The following ARHGEF18 variants were observed in gnomAD, a reference collection of about 807,000 sequenced individuals.
ARHGEF18 encodes Rho/Rac guanine nucleotide exchange factor 18.
Under a neutral mutation model 155.7 loss-of-function variants are expected in ARHGEF18, and 93 were observed. That is an observed-to-expected ratio of 0.60 (90% CI 0.50 to 0.71). The LOEUF (loss-of-function observed/expected upper bound fraction) is 0.71, where lower values mean the gene tolerates loss of function less well. Ranked by LOEUF, ARHGEF18 falls within the 30% of genes least tolerant of loss-of-function variation. ARHGEF18 has a pLI of 0.00. For missense variants in ARHGEF18, 1,593 were observed against 1,816.1 expected (o/e 0.88, Z 2.23); for synonymous variants, 742 against 753.1 (o/e 0.99, Z 0.24).
chr19:7,470,265 G>C lies in ARHGEF18; in HGVS notation c.4053G>C (p.Glu1351Asp). 6.4e-7 allele frequency: 1 copy of C among 1,563,020 alleles called. No individual in the cohort carries two copies. Among genetic ancestry groups the C allele is most frequent in the Non-Finnish European group, 8.6e-7 (1 of 1,156,870 alleles). ...PLPATPLSAK[E>D]DASKEDVIFF is the part of the protein sequence containing the mutation. ...CGGCCACACCACTCAGCGCCAAGGA[G>C]GACGCCAGCAAAGAAGACGTCATCT... Residue 1351 changes from glutamate to aspartate, a missense_variant, in exon 29 of 29, where the codon GAG becomes GAC. By Grantham distance (45) the Glu-to-Asp change is conservative. Transcript: ENST00000668164. The surrounding 1 kb of genome is among the most constrained non-coding windows in gnomAD (Gnocchi z 5.9).
intron 10 of ARHGEF18, among the ~76,000 whole-genome samples, chr19:7,402,402 G>A (rs1359517647): frequency 6.6e-6 from 1 of 152,178 alleles, no homozygotes; most frequent in Non-Finnish European, 1.5e-5. Context: ...CTGGGCAACT[G>A]AGCGAGACTC....
chr19:7,358,306 C>A (rs1818100156), intron 1 of ARHGEF18, among the ~76,000 whole-genome samples: 1 of 151,598 alleles, frequency 6.6e-6, no homozygotes, highest in Non-Finnish European at 1.5e-5. Context: ...CTCTTCCATC[C>A]ATCCAACCAT....
chr19:7,351,587 T>C (rs1969157839), intron 1 of ARHGEF18, among the ~76,000 whole-genome samples: 1 of 152,006 alleles, frequency 6.6e-6, no homozygotes, highest in Non-Finnish European at 1.5e-5. Context: ...CCTCCCAAAG[T>C]GCTGGGATTA....
intron 10 of ARHGEF18, among the ~76,000 whole-genome samples, chr19:7,391,727 T>C (rs1971410701): frequency 1.3e-5 from 2 of 152,066 alleles, no homozygotes; most frequent in African/African-American, 2.4e-5. Context: ...AGGAAACATC[T>C]GGAGGCATTT....
chr19:7,415,076 A>C (rs1972922192), intron 10 of ARHGEF18, among the ~76,000 whole-genome samples: 1 of 152,116 alleles, frequency 6.6e-6, no homozygotes, highest in Non-Finnish European at 1.5e-5. Context: ...CCCCTCCCCC[A>C]AAATAAAAAC....
intron 2 of ARHGEF18, among the ~76,000 whole-genome samples, chr19:7,370,900 C>CTTTTT (rs111574229): frequency 4.1e-5 from 6 of 145,632 alleles, no homozygotes; most frequent in East Asian, 2.0e-4. Context: ...CCACACCCCG[C>CTTTTT]TTTTTTTTTT....
Position 7,378,394 on chromosome 19 carries a change from G to A in ARHGEF18, c.542G>A (p.Gly181Asp). The A allele has an allele frequency of 3.2e-6, 4 of 1,234,444 alleles. No individual in the cohort carries two copies. Among genetic ancestry groups the A allele is most frequent in the Non-Finnish European group, 4.0e-6 (4 of 988,266 alleles). The allele number at this position is 1,234,444 out of a possible 1,614,324, so 76.5% of individuals were successfully genotyped here. The change falls in exon 6 of 29, where the codon GGC becomes GAC. Residue 181 changes from glycine (G) to aspartate (D), a missense_variant and splice_region_variant. Gly to Asp is a moderately conservative substitution (Grantham distance 94). Transcript: ENST00000668164. ...TCCTGGGATGGGGGGCTTCTTCCAG[G>A]CCTGGAACCTCCAGTGCTGGAGTGC... ...GLEVPTPPVQ[G>D]LEPPVLECME...
chr19:7,388,389 C>T (rs553154446), intron 10 of ARHGEF18, among the ~76,000 whole-genome samples: 10 of 151,542 alleles, frequency 6.6e-5, no homozygotes, highest in South Asian at 2.1e-4. Flanking sequence ...CTACTGAGCC[C>T]GGTCTGTAAG....
Position 7,385,821 on chromosome 19 carries a change from CTATCTCTCTCTA to C in ARHGEF18, c.967+2620_967+2631del, listed in dbSNP as rs1439979513. ...AAAATTTCTATTTTAGAGATAGGAT[CTATCTCTCTCTA>C]TCTCTCTCTCTCTCTCTCTCTCTCT... On this transcript the variant is annotated intron_variant, in intron 10 of 28. Transcript: ENST00000668164. 7.3e-3 allele frequency among the ~76,000 whole-genome samples: 796 copies of C among 109,310 alleles called. 55 individuals are homozygous for C. The highest frequency in any genetic ancestry group is 0.021 in the African/African-American group (469 of 22,248). The allele number at this position is 109,310 out of a possible 152,430, so 71.7% of individuals were successfully genotyped here.
At chr19:7,380,872 A>C in intron 7 of ARHGEF18, 45 bp from the exon 8 acceptor site, 1 of 1,206,368 alleles carries the variant, frequency 8.3e-7, no homozygotes, top group Non-Finnish European at 1.0e-6. Flanking sequence ...GGTGAGTGGG[A>C]GAAGAGGCTG....
chr19:7,396,843 TA>T (rs1971739954), intron 10 of ARHGEF18, among the ~76,000 whole-genome samples: 1 of 152,036 alleles, frequency 6.6e-6, no homozygotes. Context: ...AAAATGGGAA[TA>T]AGGGTTGGTT....
At chr19:7,380,037 C>T (rs1970648839) in intron 7 of ARHGEF18, among the ~76,000 whole-genome samples, 1 of 150,316 alleles carries the variant, frequency 6.7e-6, no homozygotes, top group Non-Finnish European at 1.5e-5. Context: ...CGTGGTGGCA[C>T]ATACCTGTAG....
chr19:7,408,228 A>G (rs1972458352), intron 10 of ARHGEF18, among the ~76,000 whole-genome samples: 1 of 152,056 alleles, frequency 6.6e-6, no homozygotes, highest in Non-Finnish European at 1.5e-5. Flanking sequence ...CAGTGAGCCG[A>G]AATCGCACCA....
chr19:7,428,290 G>A (rs911650914), intron 10 of ARHGEF18, among the ~76,000 whole-genome samples: 1 of 152,140 alleles, frequency 6.6e-6, no homozygotes, highest in Non-Finnish European at 1.5e-5. Flanking sequence ...TTGGCTTTGC[G>A]AGGTAGTTTG....
the ARHGEF18 span, chr19:7,477,528 A>C: frequency 9.2e-7 from 1 of 1,091,148 alleles, no homozygotes; most frequent in Non-Finnish European, 1.2e-6. Context: ...GGCAGCCCTG[A>C]GCCCCTGCCT....
intron 10 of ARHGEF18, among the ~76,000 whole-genome samples, chr19:7,409,323 T>G (rs1972524175): frequency 1.9e-5 from 2 of 102,676 alleles, no homozygotes; most frequent in South Asian, 8.5e-4. Context: ...CCGACCCTGT[T>G]TCTTAAAAAA....
chr19:7,372,614 G>T (rs1007733500), intron 2 of ARHGEF18, among the ~76,000 whole-genome samples, 198 bp from the exon 3 acceptor site: 2 of 152,190 alleles, frequency 1.3e-5, no homozygotes, highest in Non-Finnish European at 2.9e-5. Flanking sequence ...GAAGGTCCAG[G>T]TTAGACAGGG....
downstream of ARHGEF18, among the ~76,000 whole-genome samples, chr19:7,474,546 T>C (rs1379904285): frequency 6.6e-6 from 1 of 151,772 alleles, no homozygotes; most frequent in African/African-American, 2.4e-5. Context: ...GCCCGGCTAA[T>C]TTTTGCATTT....
chr19:7,444,133 G>T lies in ARHGEF18; in HGVS notation c.1361-71G>T. ...AGCCAGTTCAGCACGTGAAGGGCAG[G>T]CAGCACCCACGACTGCCCAGCGGGG... On this transcript the variant is annotated intron_variant, in intron 13 of 28. Coordinates refer to ENST00000668164, the MANE Select transcript of ARHGEF18 (RefSeq NM_001367823.1). The surrounding 1 kb of genome is among the most constrained non-coding windows in gnomAD (Gnocchi z 4.7). 6.3e-7 allele frequency: 1 copy of T among 1,575,916 alleles called. No homozygotes were observed. The highest frequency in any genetic ancestry group is 8.6e-7 in the Non-Finnish European group (1 of 1,157,830).
Sources: gnomAD v4.1 joint callset for allele counts (sites outside exome capture counted in the v4.1 genomes callset) on GRCh38, gnomAD v4.1.1 for gene constraint, Gnocchi (gnomAD v3.1) non-coding constraint, MANE v1.5 for transcripts, NCBI Gene and HGNC (gene_info 2026-07-23, HGNC 2026-07-21) for gene names.